DCC: variants seen among roughly 807,000 people sequenced by gnomAD.
The protein encoded by DCC is netrin receptor DCC.
DCC carries 58 observed loss-of-function variants against 172.5 expected under a neutral mutation model. The observed-to-expected ratio is 0.34, with a 90% confidence interval of 0.27 to 0.42. DCC has a LOEUF of 0.42. Ranked by LOEUF, DCC falls within the 10% of genes least tolerant of loss-of-function variation. The probability of loss-of-function intolerance (pLI) is 1.00; values close to 1 mark genes in which losing one functional copy is unlikely to be tolerated. For missense variants in DCC, 1,740 were observed against 1,791.0 expected (o/e 0.97, Z 0.51); for synonymous variants, 709 against 644.5 (o/e 1.10, Z -1.52).
intron 16 of DCC, among the ~76,000 whole-genome samples, chr18:53,388,985 T>A (rs62099979): frequency 0.42 from 64,376 of 151,900 alleles, 15,441 homozygotes; most frequent in Non-Finnish European, 0.55. Context: ...AGTCTTGCTA[T>A]GTTGCCCAGG....
intron 1 of DCC, among the ~76,000 whole-genome samples, chr18:52,596,775 T>G (rs2033917778): frequency 6.6e-6 from 1 of 152,172 alleles, no homozygotes; most frequent in South Asian, 2.1e-4. Flanking sequence ...AGGGTTAAAA[T>G]CCTGTAAATT....
chr18:52,688,772 A>T (rs1460197), intron 1 of DCC, among the ~76,000 whole-genome samples: 6,623 of 152,158 alleles, frequency 0.044, 500 homozygotes, highest in African/African-American at 0.15. Flanking sequence ...ATATACAATT[A>T]AAAGTTATTT....
At chr18:53,481,439 T>C (rs1213435548) in intron 25 of DCC, among the ~76,000 whole-genome samples, 1 of 152,232 alleles carries the variant, frequency 6.6e-6, no homozygotes, top group Non-Finnish European at 1.5e-5. Context: ...AGTTTGTGGA[T>C]ACTTGTGAAT....
At chr18:53,136,454 G>A (rs1020055263) in intron 7 of DCC, among the ~76,000 whole-genome samples, 7 of 151,858 alleles carry the variant, frequency 4.6e-5, no homozygotes, top group African/African-American at 1.2e-4. Context: ...TTTTAGTTTC[G>A]CAAGACAATG....
intron 21 of DCC, among the ~76,000 whole-genome samples, chr18:53,432,029 A>G (rs1186871518): frequency 1.3e-5 from 2 of 152,176 alleles, no homozygotes; most frequent in African/African-American, 4.8e-5. Flanking sequence ...AAAGTAATTC[A>G]AGATTTTAAA....
intron 12 of DCC, among the ~76,000 whole-genome samples, chr18:53,294,744 T>G (rs537565979): frequency 6.6e-5 from 10 of 152,284 alleles, no homozygotes; most frequent in African/African-American, 2.4e-4. Flanking sequence ...GATTTGAAGT[T>G]GAACAATCTG....
intron 1 of DCC, among the ~76,000 whole-genome samples, chr18:52,525,050 G>A (rs1463080977): frequency 6.6e-6 from 1 of 151,948 alleles, no homozygotes; most frequent in African/African-American, 2.4e-5. Flanking sequence ...TCTGTTTAGT[G>A]GGTTCTTGTA....
intron 7 of DCC, among the ~76,000 whole-genome samples, chr18:53,128,923 G>A (rs928948701): frequency 2.9e-5 from 4 of 139,890 alleles, no homozygotes; most frequent in Non-Finnish European, 6.1e-5. Flanking sequence ...GTCTTGCTTT[G>A]TCATCCGGGC....
chr18:52,856,556 G>A, intron 2 of DCC, among the ~76,000 whole-genome samples: 1 of 144,708 alleles, frequency 6.9e-6, no homozygotes, highest in Non-Finnish European at 1.5e-5. Context: ...AACCCGGGAG[G>A]CGGAGCTTGC....
At chr18:52,586,941 A>T (rs541009636) in intron 1 of DCC, among the ~76,000 whole-genome samples, 1 of 152,324 alleles carries the variant, frequency 6.6e-6, no homozygotes, top group South Asian at 2.1e-4. Context: ...TTAGCCATAA[A>T]GTGAGTGCCT....
chr18:53,432,106 T>C (rs574187199), intron 21 of DCC, among the ~76,000 whole-genome samples: 9 of 152,284 alleles, frequency 5.9e-5, no homozygotes, highest in Non-Finnish European at 8.8e-5. Context: ...TTGCATGCAG[T>C]TCTTTTAATA....
In DCC at chr18:52,846,449, A is replaced by T. The variant is rs144989115; in HGVS notation, c.413-59595A>T. Reference sequence around the variant, plus strand: ...CAGCTACTGGGGAGTCTGAGGTAGGAGGATTGCTTGAGCCAGAAGGCTGAG... The same window carrying T: ...CAGCTACTGGGGAGTCTGAGGTAGGTGGATTGCTTGAGCCAGAAGGCTGAG... On this transcript the variant is annotated intron_variant, in intron 2 of 28. Coordinates refer to ENST00000442544, the MANE Select transcript of DCC (RefSeq NM_005215.4). 9.8e-3 allele frequency among the ~76,000 whole-genome samples: 1,492 copies of T among 152,180 alleles called. 31 individuals are homozygous for T. The highest frequency in any genetic ancestry group is 0.033 in the African/African-American group (1,385 of 41,488).
At chr18:53,068,955 A>T (rs561844563) in intron 7 of DCC, among the ~76,000 whole-genome samples, 1 of 152,192 alleles carries the variant, frequency 6.6e-6, no homozygotes, top group South Asian at 2.1e-4. Flanking sequence ...TCTTAGAAAT[A>T]CTTAATAGGG....
intron 5 of DCC, among the ~76,000 whole-genome samples, chr18:53,002,179 T>C (rs181848325): frequency 1.3e-5 from 2 of 152,268 alleles, no homozygotes; most frequent in Non-Finnish European, 2.9e-5. Flanking sequence ...GCTTAAGCCT[T>C]TTGCATTGTG....
intron 27 of DCC, among the ~76,000 whole-genome samples, chr18:53,501,920 C>A (rs1353585620): frequency 6.6e-6 from 1 of 152,012 alleles, no homozygotes; most frequent in Non-Finnish European, 1.5e-5. Flanking sequence ...CCAAAGCTGC[C>A]TAAAACAAAA....
chr18:52,415,696 G>A (rs1598800033), intron 1 of DCC, among the ~76,000 whole-genome samples: 2 of 151,744 alleles, frequency 1.3e-5, no homozygotes, highest in East Asian at 3.9e-4. Flanking sequence ...AACTGGCAGT[G>A]GGGAACAGCT....
intron 28 of DCC, among the ~76,000 whole-genome samples, chr18:53,527,277 G>A (rs1344594119): frequency 6.6e-6 from 1 of 151,370 alleles, no homozygotes; most frequent in African/African-American, 2.4e-5. Context: ...GCTATTCACA[G>A]GCACAATCAT....
chr18:53,392,334 AT>A (rs35823251), intron 17 of DCC, among the ~76,000 whole-genome samples: 64,521 of 151,720 alleles, frequency 0.43, 15,494 homozygotes, highest in Non-Finnish European at 0.55. Flanking sequence ...AGTTGAAGAT[AT>A]TTTTTTGTAA....
At chr18:53,327,821 G>A (rs1403112859) in intron 14 of DCC, among the ~76,000 whole-genome samples, 2 of 152,162 alleles carry the variant, frequency 1.3e-5, no homozygotes, top group African/African-American at 2.4e-5. Context: ...GAGGAGTGAA[G>A]GTGGCATGTC....
Sources: gnomAD v4.1 joint callset for allele counts (sites outside exome capture counted in the v4.1 genomes callset) on GRCh38, gnomAD v4.1.1 for gene constraint, MANE v1.5 for transcripts, NCBI Gene and HGNC (gene_info 2026-07-23, HGNC 2026-07-21) for gene names.